The following TOM1L1 variants were observed in gnomAD, a reference collection of about 807,000 sequenced individuals.
TOM1L1 encodes TOM1-like protein 1.
TOM1L1 carries 64 observed loss-of-function variants against 63.4 expected under a neutral mutation model. The ratio of observed to expected loss-of-function variants is 1.01; its 90% confidence interval spans 0.83 to 1.24. The LOEUF (loss-of-function observed/expected upper bound fraction) is 1.24. TOM1L1 is among the 50% of genes most tolerant of loss of function. TOM1L1 has a pLI of 0.00. For missense variants in TOM1L1, 536 were observed against 567.0 expected (o/e 0.95, Z 0.55); for synonymous variants, 166 against 194.4 (o/e 0.85, Z 1.22).
chr17:54,928,366 C>T, intron 7 of TOM1L1, among the ~76,000 whole-genome samples: 1 of 129,900 alleles, frequency 7.7e-6, no homozygotes, highest in East Asian at 2.2e-4. Flanking sequence ...TGGAAAAAAA[C>T]CAAAAAAAAA....
Position 54,941,267 on chromosome 17 carries a change from T to TA in TOM1L1, c.1130+2248dup, listed in dbSNP as rs1267091725. On this transcript the variant is annotated intron_variant, in intron 11 of 15. Coordinates refer to ENST00000575882, the MANE Select transcript of TOM1L1 (RefSeq NM_005486.3). Reference sequence around the variant, plus strand: ...TTTCCTAGTGTTTTGTTTAAATACTTATGTACCCAATCACTGAATTACTTT... The same window carrying TA: ...TTTCCTAGTGTTTTGTTTAAATACTTAATGTACCCAATCACTGAATTACTTT... Among the ~76,000 whole-genome samples the TA allele has an allele frequency of 1.1e-4, 16 of 152,340 alleles. No homozygotes were observed. The South Asian group carries it at 1.9e-3, about 18-fold the overall frequency.
intron 2 of TOM1L1, among the ~76,000 whole-genome samples, chr17:54,904,251 T>C (rs1028579127): frequency 2.6e-5 from 4 of 151,698 alleles, no homozygotes; most frequent in Non-Finnish European, 5.9e-5. Flanking sequence ...GTGCCTGTAG[T>C]ACCAGCTACT....
chr17:54,914,544 CTT>C (rs746150571), intron 5 of TOM1L1, 93 bp from the exon 6 acceptor site: 1 of 933,408 alleles, frequency 1.1e-6, no homozygotes, highest in Non-Finnish European at 1.7e-6. Flanking sequence ...GTACACAGGA[CTT>C]TGAGAGTGCT....
rs779287471 is a variant in TOM1L1 at position 54,936,682 on chromosome 17, A to C, written c.888A>C (p.Gln296His). Residue 296 changes from glutamine to histidine, a missense_variant, in exon 9 of 16, where the codon CAA becomes CAC. Gln to His is a conservative substitution (Grantham distance 24). Transcript: ENST00000575882. ...FTRNQQRILE[Q>H]NKNQKEATNT... ...GAAACCAACAAAGGATTTTGGAGCA[A>C]AATAAGAACCAGAAGGAAGCCACCA... The C allele has an allele frequency of 6.2e-7, 1 of 1,608,270 alleles. No individual in the cohort carries two copies. The highest frequency in any genetic ancestry group is 1.7e-5 in the Admixed American group (1 of 58,226).
chr17:54,919,017 T>TG (rs1214743472), intron 7 of TOM1L1, among the ~76,000 whole-genome samples: 1 of 152,188 alleles, frequency 6.6e-6, no homozygotes, highest in Admixed American at 6.5e-5. Flanking sequence ...TAAGGATCCT[T>TG]GGGGTTCTTG....
intron 7 of TOM1L1, among the ~76,000 whole-genome samples, chr17:54,924,929 C>T (rs1052900938): frequency 6.6e-6 from 1 of 152,158 alleles, no homozygotes; most frequent in Non-Finnish European, 1.5e-5. Context: ...TTTAAATGCC[C>T]CTTTATCACA....
At position 54,919,866 on chromosome 17, in the gene TOM1L1, A is replaced by G. The variant is rs540138889; in HGVS notation, c.720+4004A>G. On this transcript the variant is annotated intron_variant, in intron 7 of 15. Coordinates refer to ENST00000575882, the MANE Select transcript of TOM1L1 (RefSeq NM_005486.3). ...CTGAAATAAATCAATTAAGTCTTCT[A>G]TGGAGAAAAAGGACAAGAAGCATAT... 1.7e-4 allele frequency among the ~76,000 whole-genome samples: 26 copies of G among 152,278 alleles called. No individual in the cohort carries two copies. The East Asian group carries it at 5.0e-3, about 29-fold the overall frequency.
At chr17:54,947,737 C>T (rs2049143388) in intron 12 of TOM1L1, among the ~76,000 whole-genome samples, 1 of 152,184 alleles carries the variant, frequency 6.6e-6, no homozygotes. Flanking sequence ...CTTTTGGTGG[C>T]TCTTCCTCCT....
chr17:54,919,241 A>T lies in TOM1L1; in HGVS notation c.720+3379A>T, dbSNP rs78817744. Among the ~76,000 whole-genome samples the T allele has an allele frequency of 2.6e-3, 403 of 152,322 alleles. 8 individuals carry two copies. The highest frequency in any genetic ancestry group is 0.018 in the East Asian group (95 of 5,182). ...ACTTATGATGTTAACACGTGTGTTA[A>T]ACTAAAATTGAAAAATTAAATATCA... On this transcript the variant is annotated intron_variant, in intron 7 of 15. Transcript: ENST00000575882.
At chr17:54,925,414 CA>C (rs1278000318) in intron 7 of TOM1L1, among the ~76,000 whole-genome samples, 5 of 152,176 alleles carry the variant, frequency 3.3e-5, no homozygotes. Context: ...AGCAAGAAGA[CA>C]GGGGATCTGG....
intron 15 of TOM1L1, 81 bp from the exon 16 acceptor site, chr17:54,961,154 A>G: frequency 1.0e-6 from 1 of 985,778 alleles, no homozygotes; most frequent in Non-Finnish European, 1.6e-6. Context: ...CCAGCTTCCC[A>G]GTAAAGACAA....
chr17:54,921,861 C>T (rs2048689398), intron 7 of TOM1L1, among the ~76,000 whole-genome samples: 1 of 152,162 alleles, frequency 6.6e-6, no homozygotes, highest in Admixed American at 6.5e-5. Flanking sequence ...TTGATTTTCC[C>T]AAAACTTAGC....
At chr17:54,906,359 C>T (rs541731745) in intron 3 of TOM1L1, among the ~76,000 whole-genome samples, 24 of 151,766 alleles carry the variant, frequency 1.6e-4, no homozygotes, top group Non-Finnish European at 3.1e-4. Context: ...GTCCCAGCTA[C>T]TTGGGAGTCT....
chr17:54,949,672 A>G (rs903777134), intron 13 of TOM1L1, 49 bp downstream of exon 13: 1 of 1,410,230 alleles, frequency 7.1e-7, no homozygotes, highest in Non-Finnish European at 1.0e-6. Context: ...TTATGAGAAT[A>G]TATGAGTCTG....
At chr17:54,912,221 C>T (rs1194402507) in intron 3 of TOM1L1, among the ~76,000 whole-genome samples, 1 of 152,104 alleles carries the variant, frequency 6.6e-6, no homozygotes, top group Non-Finnish European at 1.5e-5. Flanking sequence ...CCTATAAGGG[C>T]CTATAGCTGG....
chr17:54,954,838 G>A (rs183733176), intron 14 of TOM1L1: 9 of 152,294 alleles, frequency 5.9e-5, no homozygotes, highest in African/African-American at 2.2e-4. Flanking sequence ...ATAAAACATT[G>A]CATATAGGGC....
chr17:54,917,673 A>G (rs914447395), intron 7 of TOM1L1, among the ~76,000 whole-genome samples: 1 of 152,088 alleles, frequency 6.6e-6, no homozygotes, highest in African/African-American at 2.4e-5. Context: ...TCCAGTGTTC[A>G]GCTGGATTGC....
intron 11 of TOM1L1, among the ~76,000 whole-genome samples, chr17:54,945,664 TTC>T (rs1453416037): frequency 1.4e-5 from 2 of 142,674 alleles, no homozygotes; most frequent in Non-Finnish European, 3.1e-5. Flanking sequence ...ATTGAGCTCA[TTC>T]TGTTAAGTTT....
chr17:54,961,727 G>A lies in TOM1L1; in HGVS notation c.*494G>A, dbSNP rs1374607313. 9.8e-7 allele frequency: 1 copy of A among 1,021,518 alleles called. No homozygotes were observed. The highest frequency in any genetic ancestry group is 1.2e-6 in the Non-Finnish European group (1 of 853,176). The allele number at this position is 1,021,518 out of a possible 1,614,324, so 63.3% of individuals were successfully genotyped here. On this transcript the variant is annotated 3_prime_UTR_variant, in exon 16 of 16. Transcript: ENST00000575882. ...CACTTCTTTATAATCCTCTGGTTTA[G>A]AATTATAAATTGTTAAAACCTTGAT...
Sources: allele counts gnomAD v4.1 joint callset (sites outside exome capture counted in the v4.1 genomes callset), GRCh38; gene constraint gnomAD v4.1.1; transcripts MANE v1.5; gene names NCBI Gene and HGNC (gene_info 2026-07-23, HGNC 2026-07-21).